ALS2: variants seen among roughly 807,000 people sequenced by gnomAD.
ALS2 encodes the protein alsin Rho guanine nucleotide exchange factor ALS2, also known as alsin.
In ALS2, 117 loss-of-function variants were observed where a neutral mutation model predicts 203.4. That is an observed-to-expected ratio of 0.58 (90% confidence interval 0.50 to 0.67). ALS2 has a LOEUF of 0.67. Ranked by LOEUF, ALS2 falls within the 30% of genes least tolerant of loss-of-function variation. The pLI is 0.00. For missense variants in ALS2, 1,715 were observed against 1,989.4 expected (o/e 0.86, Z 2.62); for synonymous variants, 718 against 725.9 (o/e 0.99, Z 0.17).
At chr2:201,716,692 G>C in intron 24 of ALS2, 1 of 147,726 alleles carries the variant, frequency 6.8e-6, no homozygotes, top group Non-Finnish European at 1.5e-5. Flanking sequence ...TCCAGCCTGG[G>C]TGACAAAGTG....
chr2:201,750,168 CA>C (rs200148047), intron 7 of ALS2, among the ~76,000 whole-genome samples: 288 of 114,620 alleles, frequency 2.5e-3, no homozygotes, highest in Non-Finnish European at 3.1e-3. Context: ...GTCGGTATCC[CA>C]AAAAAAAAAA....
chr2:201,757,885 T>C (rs1431400980), intron 4 of ALS2, 126 bp from the exon 5 acceptor site: 1 of 719,622 alleles, frequency 1.4e-6, no homozygotes, highest in Non-Finnish European at 2.2e-6. Flanking sequence ...AGAAGTTCTC[T>C]TCATCTTCAA....
At chr2:201,729,879 CAAAAAAAAAA>C (rs35065446) in intron 13 of ALS2, among the ~76,000 whole-genome samples, 1 of 75,218 alleles carries the variant, frequency 1.3e-5, no homozygotes, top group Admixed American at 1.9e-4. Flanking sequence ...GACTCCGTCT[CAAAAAAAAAA>C]AAAAAAAAAA....
chr2:201,708,059 A>G (rs1385806512), intron 27 of ALS2, 68 bp from the exon 28 acceptor site: 1 of 1,469,446 alleles, frequency 6.8e-7, no homozygotes, highest in Non-Finnish European at 9.4e-7. Context: ...ATAAAAACAC[A>G]TTTCCATTAG....
At chr2:201,746,515 G>C (rs369204200) in intron 9 of ALS2, 51 bp downstream of exon 9, 2 of 1,599,332 alleles carry the variant, frequency 1.3e-6, no homozygotes, top group South Asian at 1.1e-5. Context: ...AAAAACAAAA[G>C]ACTTCTTATG....
chr2:201,701,970 A>C (rs1689415685), intron 33 of ALS2, 81 bp from the exon 34 acceptor site: 18 of 1,268,216 alleles, frequency 1.4e-5, no homozygotes, highest in Non-Finnish European at 1.9e-5. Context: ...GGACTAAAGA[A>C]ACAAAATCCC....
At chr2:201,744,458 A>G in intron 9 of ALS2, 29 bp from the exon 10 acceptor site, 1 of 1,599,190 alleles carries the variant, frequency 6.3e-7, no homozygotes, top group Non-Finnish European at 8.5e-7. Flanking sequence ...AAAGGATTAA[A>G]TATAACATAT....
intron 1 of ALS2, among the ~76,000 whole-genome samples, chr2:201,772,690 T>C (rs1340159973): frequency 1.3e-5 from 2 of 152,180 alleles, no homozygotes; most frequent in African/African-American, 4.8e-5. Context: ...GGAATCTATA[T>C]TCAAAAACAA....
At chr2:201,706,393 GA>G (rs35917459) in intron 29 of ALS2, among the ~76,000 whole-genome samples, 18,057 of 140,838 alleles carry the variant, frequency 0.13, 1,096 homozygotes, top group East Asian at 0.27. Flanking sequence ...TTCAAAAAAA[GA>G]AAAAAAAAAA....
At chr2:201,760,467 G>A in intron 4 of ALS2, 1 of 996,258 alleles carries the variant, frequency 1.0e-6, no homozygotes, top group Non-Finnish European at 1.2e-6. Flanking sequence ...AATCTTCCCT[G>A]TTAAAGAAGG....
chr2:201,744,851 G>A (rs1370913632), intron 9 of ALS2, among the ~76,000 whole-genome samples: 2 of 152,128 alleles, frequency 1.3e-5, no homozygotes, highest in East Asian at 3.9e-4. Context: ...AGTAAAATAA[G>A]ATTAATGAGA....
intron 1 of ALS2, among the ~76,000 whole-genome samples, chr2:201,774,746 A>AT (rs1166957207): frequency 2.0e-5 from 3 of 151,984 alleles, no homozygotes; most frequent in Non-Finnish European, 2.9e-5. Flanking sequence ...AACCACATGT[A>AT]TTTTTTTTCA....
At chr2:201,716,575 CG>C (rs1348580413) in intron 24 of ALS2, 1 of 143,710 alleles carries the variant, frequency 7.0e-6, no homozygotes, top group African/African-American at 2.6e-5. Context: ...ATTAGCCAGG[CG>C]TGGTGGCCCG....
chr2:201,745,945 T>C (rs573386038), intron 9 of ALS2, among the ~76,000 whole-genome samples: 137 of 152,006 alleles, frequency 9.0e-4, no homozygotes, highest in Non-Finnish European at 1.8e-3. Flanking sequence ...CAAGACTCAG[T>C]CTCAAAAAAA....
At chr2:201,727,474 G>A (rs1261616354) in intron 16 of ALS2, among the ~76,000 whole-genome samples, 196 bp from the exon 17 acceptor site, 1 of 152,196 alleles carries the variant, frequency 6.6e-6, no homozygotes, top group Non-Finnish European at 1.5e-5. Context: ...ATGGGGATGT[G>A]TGCAATGAAG....
At position 201,711,049 on chromosome 2, in the gene ALS2, T is replaced by C; in HGVS notation, c.4064A>G (p.Gln1355Arg). The C allele has an allele frequency of 6.2e-7, 1 of 1,613,204 alleles. No individual in the cohort carries two copies. The highest frequency in any genetic ancestry group is 8.5e-7 in the Non-Finnish European group (1 of 1,179,310). ...QTLESLEFIP[Q>R]HVGAFSVEKY... Reference sequence around the variant, plus strand: ...CTCCACAGAGAAGGCACCAACATGCTGTGGAATGAATTCCAAACTCTCTAG... The same window carrying C: ...CTCCACAGAGAAGGCACCAACATGCCGTGGAATGAATTCCAAACTCTCTAG... Residue 1355 changes from glutamine (Q) to arginine (R), a missense_variant, in exon 26 of 34, where the codon CAG becomes CGG. Transcript: ENST00000264276.
At chr2:201,756,698 T>C (rs938068983) in intron 5 of ALS2, among the ~76,000 whole-genome samples, 1 of 152,276 alleles carries the variant, frequency 6.6e-6, no homozygotes, top group Admixed American at 6.5e-5. Context: ...TATTTCTCTT[T>C]GGCTCTTTAC....
intron 1 of ALS2, among the ~76,000 whole-genome samples, chr2:201,771,238 G>A (rs1046572934): frequency 6.6e-6 from 1 of 151,786 alleles, no homozygotes; most frequent in Admixed American, 6.6e-5. Flanking sequence ...GTAGAGACGG[G>A]GTTTCACCAT....
At position 201,746,656 on chromosome 2, in the gene ALS2, A is replaced by G. The variant is rs751981196; in HGVS notation, c.1908T>C (p.Tyr636=). ...VDTEDFQPGL[Y]YSGRQDPTEG... ...CTGTAGGGTCCTGTCGGCCACTGTAATATAACCCAGGCTGGAAGTCTTCTG... is the reference window on the plus strand; with the variant it reads ...CTGTAGGGTCCTGTCGGCCACTGTAGTATAACCCAGGCTGGAAGTCTTCTG... Residue 636 remains tyrosine, a synonymous_variant, in exon 9 of 34, where the codon TAT becomes TAC. Coordinates refer to ENST00000264276, the MANE Select transcript of ALS2 (RefSeq NM_020919.4). The G allele has an allele frequency of 2.5e-6, 4 of 1,614,134 alleles. No individual in the cohort carries two copies. The highest frequency in any genetic ancestry group is 3.4e-6 in the Non-Finnish European group (4 of 1,180,004).
Sources: gnomAD v4.1 joint callset for allele counts (sites outside exome capture counted in the v4.1 genomes callset) on GRCh38, gnomAD v4.1.1 for gene constraint, MANE v1.5 for transcripts, NCBI Gene and HGNC (gene_info 2026-07-23, HGNC 2026-07-21) for gene names.